Variants in ZNF608 observed in about 807,000 individuals in gnomAD.
ZNF608 encodes zinc finger protein 608.
A neutral mutation model predicts 109.0 loss-of-function variants in ZNF608; 12 were observed. The observed-to-expected ratio is 0.11, with a 90% CI of 0.07 to 0.18. The LOEUF (loss-of-function observed/expected upper bound fraction) is 0.18, where lower values mean the gene tolerates loss of function less well. Ranked by LOEUF, ZNF608 falls within the 10% of genes least tolerant of loss-of-function variation. The pLI, the probability that ZNF608 is intolerant of heterozygous loss-of-function variation, is 1.00. For missense variants in ZNF608, 1,707 were observed against 1,879.3 expected, an observed-to-expected ratio of 0.91 and a Z score of 1.70; for synonymous variants, 732 against 717.4, an observed-to-expected ratio of 1.02 and a Z score of -0.33.
intron 2 of ZNF608, among the ~76,000 whole-genome samples, chr5:124,722,396 C>T (rs1381866558): frequency 6.6e-6 from 1 of 152,076 alleles, no homozygotes; most frequent in Non-Finnish European, 1.5e-5. Context: ...CCTAAGATTC[C>T]GGGAAACATC....
chr5:124,661,515 G>GTATTTCAA (rs1751258437), intron 3 of ZNF608, among the ~76,000 whole-genome samples: 1 of 149,904 alleles, frequency 6.7e-6, no homozygotes, highest in Non-Finnish European at 1.5e-5. Context: ...AGAGTTACAA[G>GTATTTCAA]TATTTCAATA....
At chr5:124,728,434 C>T (rs1748719800) in intron 2 of ZNF608, among the ~76,000 whole-genome samples, 1 of 152,094 alleles carries the variant, frequency 6.6e-6, no homozygotes, top group South Asian at 2.1e-4. Context: ...TCTAGCTCTC[C>T]CATGCTGCTG....
intron 2 of ZNF608, among the ~76,000 whole-genome samples, chr5:124,722,619 A>ACG (rs1250082644): frequency 1.4e-5 from 2 of 143,002 alleles, no homozygotes; most frequent in African/African-American, 2.7e-5. Flanking sequence ...ACACACACAC[A>ACG]CGCAAGAAAT....
At chr5:124,679,219 C>T (rs1003759692) in intron 3 of ZNF608, among the ~76,000 whole-genome samples, 8 of 152,324 alleles carry the variant, frequency 5.3e-5, no homozygotes, top group South Asian at 2.1e-4. Flanking sequence ...CAGAACAGCA[C>T]GGACTCCATG....
chr5:124,713,516 CAGT>C (rs1327945676), intron 2 of ZNF608, among the ~76,000 whole-genome samples: 1 of 152,216 alleles, frequency 6.6e-6, no homozygotes, highest in East Asian at 1.9e-4. Context: ...TACTTCTCAT[CAGT>C]AGATCTGTAT....
intron 2 of ZNF608, among the ~76,000 whole-genome samples, chr5:124,732,341 G>A (rs1004537083): frequency 1.3e-5 from 2 of 152,000 alleles, no homozygotes; most frequent in African/African-American, 4.8e-5. Context: ...TAAGATAAAG[G>A]GTTTCACTCC....
intron 3 of ZNF608, among the ~76,000 whole-genome samples, chr5:124,692,471 A>G (rs954358162): frequency 6.6e-6 from 1 of 152,238 alleles, no homozygotes; most frequent in African/African-American, 2.4e-5. Context: ...GATGGTTTGT[A>G]TACATCAACC....
intron 2 of ZNF608, among the ~76,000 whole-genome samples, chr5:124,724,071 T>C (rs1029857278): frequency 1.3e-5 from 2 of 152,178 alleles, no homozygotes; most frequent in African/African-American, 4.8e-5. Context: ...TGTTCCACCA[T>C]TGCTGGGAAT....
intron 3 of ZNF608, among the ~76,000 whole-genome samples, chr5:124,656,606 AC>A (rs1751019695): frequency 6.6e-6 from 1 of 152,042 alleles, no homozygotes; most frequent in African/African-American, 2.4e-5. Flanking sequence ...AAAAAATGAA[AC>A]CTTAAGCAAT....
At chr5:124,683,115 G>C (rs906396546) in intron 3 of ZNF608, among the ~76,000 whole-genome samples, 1 of 152,106 alleles carries the variant, frequency 6.6e-6, no homozygotes, top group African/African-American at 2.4e-5. Flanking sequence ...ACATGGCATA[G>C]CAAGTCAAAT....
At chr5:124,717,388 T>C (rs1373390207) in intron 2 of ZNF608, among the ~76,000 whole-genome samples, 1 of 151,998 alleles carries the variant, frequency 6.6e-6, no homozygotes, top group East Asian at 1.9e-4. Context: ...GGAGAATTGC[T>C]TGAACCCAAG....
Position 124,646,976 on chromosome 5 carries a change from T to A in ZNF608, c.3408A>T (p.Lys1136Asn). 1 of 1,614,114 alleles carries A rather than the reference T, an allele frequency of 6.2e-7. No homozygotes were observed. Among genetic ancestry groups the A allele is most frequent in the Non-Finnish European group, 8.5e-7 (1 of 1,180,004 alleles). The stretch of plus-strand genomic sequence containing the variant: ...GTTTAGTTTCCTCCTTGCCCAGCTC[T>A]TTCAAGGGGAGCTCACTTTTCCTTT... ...DCERKSELPL[K>N]ELGKEETKQK... is the part of the protein sequence containing the mutation. Residue 1136 changes from lysine to asparagine, a missense_variant, in exon 5 of 10, where the codon AAA becomes AAT. By Grantham distance (94) the Lys-to-Asn change is moderately conservative. Around this residue, in one of 7 missense-constraint regions of ZNF608, gnomAD observed 1,073 missense variants for 1,133.5 expected, o/e 0.95. Coordinates refer to ENST00000513986, the MANE Select transcript of ZNF608 (RefSeq NM_020747.3).
In ZNF608 at chr5:124,644,483, G is replaced by C. The variant is rs1750403820; in HGVS notation, c.3884C>G (p.Pro1295Arg). 1.2e-6 allele frequency: 2 copies of C among 1,613,842 alleles called. No individual in the cohort carries two copies. Among genetic ancestry groups the C allele is most frequent in the Non-Finnish European group, 1.7e-6 (2 of 1,180,028 alleles). Residue 1295 changes from proline (P) to arginine (R), a missense_variant, in exon 6 of 10, where the codon CCC (proline) becomes CGC (arginine). Physicochemically the swap from Pro to Arg is moderately radical, Grantham distance 103. Transcript: ENST00000513986. Reference sequence around the variant, plus strand: ...AGAATCAGGATGCTTGGCCTCTTTGGGCTCCTCTTTAATGCTTGTTAACGA... The same window carrying C: ...AGAATCAGGATGCTTGGCCTCTTTGCGCTCCTCTTTAATGCTTGTTAACGA... ...PVSLTSIKEE[P>R]KEAKHPDSQS...
chr5:124,720,869 G>A (rs937937671), intron 2 of ZNF608, among the ~76,000 whole-genome samples: 8 of 111,200 alleles, frequency 7.2e-5, no homozygotes, highest in Admixed American at 2.8e-4. Flanking sequence ...TCATTAACTT[G>A]GTTTAAACAA....
intron 2 of ZNF608, among the ~76,000 whole-genome samples, chr5:124,717,137 A>G (rs563257141): frequency 4.9e-4 from 75 of 152,118 alleles, no homozygotes; most frequent in African/African-American, 4.8e-4. Flanking sequence ...TTAAAATTAT[A>G]TAAACTTCTC....
chr5:124,726,629 T>C (rs1186487990), intron 2 of ZNF608, among the ~76,000 whole-genome samples: 1 of 147,704 alleles, frequency 6.8e-6, no homozygotes, highest in African/African-American at 2.5e-5. Flanking sequence ...CTACAGTCAA[T>C]TCTCTATACA....
intron 7 of ZNF608, among the ~76,000 whole-genome samples, chr5:124,642,234 C>T (rs1006124527): frequency 6.6e-6 from 1 of 152,200 alleles, no homozygotes; most frequent in Non-Finnish European, 1.5e-5. Flanking sequence ...CTCTTCACAA[C>T]AGTCTCTAGG....
rs182106456 is a variant in ZNF608 at position 124,698,776 on chromosome 5, T to C, written c.1162+2238A>G. On this transcript the variant is annotated intron_variant, in intron 3 of 9. Transcript: ENST00000513986. ...CTATAGTTTTTAAACCCAGATTTTTTTCCTAAATAATCTTATCTTTGAGAA... is the reference window on the plus strand; with the variant it reads ...CTATAGTTTTTAAACCCAGATTTTTCTCCTAAATAATCTTATCTTTGAGAA... Among the ~76,000 whole-genome samples, 60 of 152,352 alleles carry C rather than the reference T, an allele frequency of 3.9e-4. 1 individual carries two copies. Among genetic ancestry groups the C allele is most frequent in the Non-Finnish European group, 2.2e-4 (15 of 68,038 alleles).
chr5:124,720,652 C>G (rs1222305038), intron 2 of ZNF608, among the ~76,000 whole-genome samples: 1 of 152,114 alleles, frequency 6.6e-6, no homozygotes, highest in Non-Finnish European at 1.5e-5. Context: ...AACCACTGTT[C>G]TTTTCAACAA....
Sources: gnomAD v4.1 joint callset for allele counts (sites outside exome capture counted in the v4.1 genomes callset) on GRCh38, gnomAD v4.1.1 for gene constraint, gnomAD v4.1.1 regional missense constraint, MANE v1.5 for transcripts, NCBI Gene and HGNC (gene_info 2026-07-23, HGNC 2026-07-21) for gene names.